TTC7A: variants seen among roughly 807,000 people sequenced by gnomAD.
The protein encoded by TTC7A is tetratricopeptide repeat protein 7A.
In TTC7A, 110 loss-of-function variants were observed where a neutral mutation model predicts 103.7. That is an observed-to-expected ratio of 1.06 (90% confidence interval 0.91 to 1.24). The LOEUF (loss-of-function observed/expected upper bound fraction) is 1.24. Among genes scored for constraint, TTC7A ranks in the 50% most tolerant of loss-of-function variants. The pLI is 0.00. For synonymous variants in TTC7A, 521 were observed against 467.9 expected, an observed-to-expected ratio of 1.11 and a Z score of -1.47; for missense variants, 1,340 against 1,116.3, an observed-to-expected ratio of 1.20 and a Z score of -2.86.
intron 1 of TTC7A, among the ~76,000 whole-genome samples, chr2:46,942,504 G>A (rs1015491770): frequency 2.0e-5 from 3 of 152,198 alleles, no homozygotes; most frequent in Admixed American, 6.5e-5. Flanking sequence ...TTTAAAGACT[G>A]CTCAGCCTGT....
At chr2:46,950,727 G>C (rs1671337985) in intron 2 of TTC7A, among the ~76,000 whole-genome samples, 1 of 152,190 alleles carries the variant, frequency 6.6e-6, no homozygotes, top group Admixed American at 6.5e-5. Context: ...TGTGCTGTAA[G>C]TATAAAGCAT....
At chr2:47,072,548 C>G (rs77197803) in intron 19 of TTC7A, among the ~76,000 whole-genome samples, 8 of 152,360 alleles carry the variant, frequency 5.3e-5, no homozygotes, top group African/African-American at 1.9e-4. Flanking sequence ...GGGGAGCTCG[C>G]TGAGGAGGAA....
chr2:47,062,063 A>G (rs938040612), intron 19 of TTC7A, among the ~76,000 whole-genome samples: 2 of 152,226 alleles, frequency 1.3e-5, no homozygotes, highest in Non-Finnish European at 2.9e-5. Context: ...AAGAGTTGGC[A>G]TTGCCAAAAG....
intron 15 of TTC7A, 117 bp from the exon 16 acceptor site, chr2:47,046,198 C>T (rs998807941): frequency 5.2e-6 from 4 of 769,314 alleles, no homozygotes; most frequent in South Asian, 1.6e-5. Context: ...CCTCATGGCA[C>T]TCTGCTTTCT....
At chr2:47,070,956 G>A (rs1290726325) in intron 19 of TTC7A, among the ~76,000 whole-genome samples, 1 of 152,176 alleles carries the variant, frequency 6.6e-6, no homozygotes, top group Non-Finnish European at 1.5e-5. Flanking sequence ...CTCTCAGCGT[G>A]GGGCACATCC....
intron 8 of TTC7A, among the ~76,000 whole-genome samples, chr2:46,996,005 T>C (rs933094746): frequency 9.2e-5 from 14 of 152,248 alleles, no homozygotes; most frequent in Non-Finnish European, 1.5e-5. Context: ...GACCCATTGC[T>C]CATGTCCTGG....
chr2:46,997,407 A>G (rs1676317451), intron 8 of TTC7A, among the ~76,000 whole-genome samples: 1 of 152,144 alleles, frequency 6.6e-6, no homozygotes, highest in Non-Finnish European at 1.5e-5. Flanking sequence ...CAAGCTGATT[A>G]GGTGCGCATT....
At chr2:46,977,771 C>G (rs1674018210) in intron 4 of TTC7A, among the ~76,000 whole-genome samples, 1 of 152,222 alleles carries the variant, frequency 6.6e-6, no homozygotes, top group Admixed American at 6.5e-5. Context: ...CAGAGCCTCA[C>G]TCTTTTGCCC....
At chr2:47,053,861 A>AGTGAG (rs1278750772) in intron 18 of TTC7A, among the ~76,000 whole-genome samples, 16 of 152,224 alleles carry the variant, frequency 1.1e-4, no homozygotes, top group African/African-American at 3.6e-4. Flanking sequence ...GGCGTGAGCC[A>AGTGAG]CTGCGCCCGG....
chr2:46,944,180 G>C (rs755406073), intron 1 of TTC7A, among the ~76,000 whole-genome samples: 1 of 152,080 alleles, frequency 6.6e-6, no homozygotes, highest in African/African-American at 2.4e-5. Flanking sequence ...GCCCATCCAA[G>C]TGATTAAAAA....
chr2:46,979,067 G>A (rs1225667305), intron 5 of TTC7A, among the ~76,000 whole-genome samples, 160 bp downstream of exon 5: 1 of 152,190 alleles, frequency 6.6e-6, no homozygotes, highest in Non-Finnish European at 1.5e-5. Flanking sequence ...TCAGACAGGA[G>A]TGTGCAGAGA....
intron 3 of TTC7A, among the ~76,000 whole-genome samples, chr2:46,966,445 A>G (rs1672855357): frequency 1.3e-5 from 2 of 152,294 alleles, no homozygotes; most frequent in Middle Eastern, 3.4e-3. Flanking sequence ...TCATACAGTC[A>G]TGTTTTATAA....
chr2:47,038,384 G>T (rs1313631696), intron 15 of TTC7A, among the ~76,000 whole-genome samples: 18 of 152,314 alleles, frequency 1.2e-4, no homozygotes, highest in Admixed American at 7.2e-4. Context: ...GTCCGACTTG[G>T]TGCAGCCCAG....
intron 1 of TTC7A, among the ~76,000 whole-genome samples, chr2:46,916,854 C>CT (rs1188478189): frequency 1.3e-5 from 2 of 151,918 alleles, no homozygotes; most frequent in African/African-American, 4.8e-5. Context: ...AGGCTGGTCT[C>CT]TAACTGCTGA....
intron 4 of TTC7A, among the ~76,000 whole-genome samples, chr2:46,976,690 G>T (rs994424092): frequency 1.3e-5 from 2 of 152,166 alleles, no homozygotes; most frequent in Non-Finnish European, 1.5e-5. Flanking sequence ...GGGCTGCCGT[G>T]TATATTATAG....
chr2:47,057,194 C>A (rs564820619), intron 18 of TTC7A, among the ~76,000 whole-genome samples: 1 of 152,216 alleles, frequency 6.6e-6, no homozygotes, highest in Non-Finnish European at 1.5e-5. Context: ...GACCTTTGGG[C>A]CTGTGTGCAG....
intron 1 of TTC7A, among the ~76,000 whole-genome samples, chr2:46,945,525 G>A (rs570483155): frequency 6.6e-6 from 1 of 152,324 alleles, no homozygotes; most frequent in Admixed American, 6.5e-5. Context: ...TGGGATTACG[G>A]GCGTGAGCCA....
chr2:46,990,756 G>C (rs139427348), intron 5 of TTC7A, among the ~76,000 whole-genome samples: 3 of 152,168 alleles, frequency 2.0e-5, no homozygotes, highest in African/African-American at 7.2e-5. Context: ...TGGGGTTACT[G>C]TGTCAGATTG....
intron 10 of TTC7A, 76 bp from the exon 11 acceptor site, chr2:47,011,255 G>A (rs1678010318): frequency 2.2e-6 from 3 of 1,370,752 alleles, no homozygotes; most frequent in Non-Finnish European, 3.1e-6. Context: ...TTGGTTGTTT[G>A]GGAAGCTCGC....
Sources: allele counts gnomAD v4.1 joint callset (sites outside exome capture counted in the v4.1 genomes callset), GRCh38; gene constraint gnomAD v4.1.1; transcripts MANE v1.5; gene names NCBI Gene and HGNC (gene_info 2026-07-23, HGNC 2026-07-21).